The following VPS13A variants were observed in gnomAD, a reference collection of about 807,000 sequenced individuals.
VPS13A encodes vacuolar protein sorting 13 homolog A, also known as intermembrane lipid transfer protein VPS13A.
Under a neutral mutation model 390.9 loss-of-function variants are expected in VPS13A, and 264 were observed. The ratio of observed to expected loss-of-function variants is 0.68; its 90% CI spans 0.61 to 0.75. The LOEUF (loss-of-function observed/expected upper bound fraction) is 0.75, where lower values mean the gene tolerates loss of function less well. Among genes scored for constraint, VPS13A ranks in the 30% least tolerant of loss-of-function variants. VPS13A has a pLI of 0.00. For missense variants in VPS13A, 3,409 were observed against 3,733.9 expected (o/e 0.91, Z 2.27); for synonymous variants, 1,231 against 1,227.1 (o/e 1.00, Z -0.07).
At chr9:77,225,825 A>G in intron 13 of VPS13A, 101 bp from the exon 14 acceptor site, 3 of 874,828 alleles carry the variant, frequency 3.4e-6, no homozygotes, top group Non-Finnish European at 5.6e-6. Context: ...GCTTCCTATT[A>G]TATCTTTTCT....
chr9:77,363,248 T>C (rs1366770342), intron 59 of VPS13A, among the ~76,000 whole-genome samples: 2 of 152,182 alleles, frequency 1.3e-5, no homozygotes, highest in East Asian at 3.9e-4. Context: ...CTAGACATCC[T>C]TTTTCAGGTT....
At chr9:77,234,749 A>C (rs1297126305) in intron 17 of VPS13A, among the ~76,000 whole-genome samples, 2 of 151,992 alleles carry the variant, frequency 1.3e-5, no homozygotes, top group Non-Finnish European at 2.9e-5. Context: ...GTTCCTCAGT[A>C]CTGTCTTCTT....
intron 59 of VPS13A, among the ~76,000 whole-genome samples, chr9:77,361,932 TC>T (rs1297898229): frequency 6.6e-6 from 1 of 152,142 alleles, no homozygotes; most frequent in Non-Finnish European, 1.5e-5. Flanking sequence ...ATGTTGATTA[TC>T]CTTTAATATG....
chr9:77,313,238 A>G (rs150094442), intron 35 of VPS13A, among the ~76,000 whole-genome samples: 1 of 152,314 alleles, frequency 6.6e-6, no homozygotes, highest in East Asian at 1.9e-4. Context: ...TGATGATTGA[A>G]ATTAGAATGG....
chr9:77,268,104 G>C (rs1378306338), intron 23 of VPS13A, among the ~76,000 whole-genome samples: 1 of 152,264 alleles, frequency 6.6e-6, no homozygotes, highest in African/African-American at 2.4e-5. Flanking sequence ...GGCTCCATGG[G>C]AGTGGGATCC....
intron 33 of VPS13A, among the ~76,000 whole-genome samples, chr9:77,301,058 G>T (rs1828318070): frequency 6.6e-6 from 1 of 152,204 alleles, no homozygotes; most frequent in Non-Finnish European, 1.5e-5. Context: ...CGTAGGAAAG[G>T]TGTATTTTAT....
rs756646733 is a variant in VPS13A, at chr9:77,332,097, C to G, written c.6079C>G (p.Pro2027Ala). 11 of 1,609,428 alleles carry G rather than the reference C, an allele frequency of 6.8e-6. No homozygotes were observed. The highest frequency in any genetic ancestry group is 5.4e-5 in the African/African-American group (4 of 74,758). Residue 2027 changes from proline to alanine, a missense_variant, in exon 46 of 72, where the codon CCA (proline) becomes GCA (alanine). Pro to Ala is a conservative substitution (Grantham distance 27). Transcript: ENST00000360280. ...CTCACCTGAAAATGAATTCAACATACCATTAGGATCTTACCGGTATTTTGT... is the reference window on the plus strand; with the variant it reads ...CTCACCTGAAAATGAATTCAACATAGCATTAGGATCTTACCGGTATTTTGT... ...TASPENEFNI[P>A]LGSYRSFIFL...
chr9:77,219,640 C>T lies in VPS13A; in HGVS notation c.755-314C>T, dbSNP rs72742583. ...TTCATTCATTCTGTAAAACTGTGTA[C>T]TTGTATTAAAACTATTTTTTTGATT... is the stretch of plus-strand genomic sequence containing the variant. On this transcript the variant is annotated intron_variant, in intron 10 of 71. Transcript: ENST00000360280. Among the ~76,000 whole-genome samples the T allele has an allele frequency of 0.055, 8,320 of 152,028 alleles. 338 individuals are homozygous for T. The highest frequency in any genetic ancestry group is 0.12 in the South Asian group (586 of 4,822).
intron 45 of VPS13A, 66 bp from the exon 46 acceptor site, chr9:77,331,944 T>C: frequency 9.4e-7 from 1 of 1,061,258 alleles, no homozygotes; most frequent in South Asian, 1.3e-5. Context: ...CATGGACATA[T>C]TTTTTTTACA....
intron 23 of VPS13A, among the ~76,000 whole-genome samples, chr9:77,269,014 C>T (rs1826204202): frequency 6.6e-6 from 1 of 150,704 alleles, no homozygotes; most frequent in African/African-American, 2.4e-5. Flanking sequence ...TATTCTTTTC[C>T]TAGTCTGTTG....
intron 32 of VPS13A, among the ~76,000 whole-genome samples, chr9:77,294,161 T>A (rs1473070794): frequency 6.6e-6 from 1 of 152,130 alleles, no homozygotes; most frequent in Non-Finnish European, 1.5e-5. Flanking sequence ...CCTCAAGTGA[T>A]CCTCCTGCTT....
In VPS13A at chr9:77,220,502, A is replaced by C. The variant is rs1823147293; in HGVS notation, c.989+119A>C. On this transcript the variant is annotated intron_variant, in intron 12 of 71. Transcript: ENST00000360280. ...TTTTTAAGGTCTGATACAAACCATA[A>C]TTGATTTATAGCTAGAAATATATGT... 4.2e-6 allele frequency: 3 copies of C among 709,200 alleles called. No individual in the cohort carries two copies. In the Admixed American group the frequency reaches 8.2e-5, roughly 19 times the overall value. 43.9% of individuals were successfully genotyped at this position (709,200 alleles called of 1,614,324 possible). A position where few individuals can be genotyped will look rare whatever the true frequency, so the allele number is the denominator to read the frequency against.
At chr9:77,340,672 T>C (rs1468716682) in intron 50 of VPS13A, 122 bp downstream of exon 50, 16 of 1,222,922 alleles carry the variant, frequency 1.3e-5, no homozygotes, top group Non-Finnish European at 1.9e-5. Context: ...TTTAGTTTCA[T>C]GAATCTTTAT....
chr9:77,265,734 A>G (rs1338698465), intron 23 of VPS13A, among the ~76,000 whole-genome samples: 1 of 152,096 alleles, frequency 6.6e-6, no homozygotes, highest in Non-Finnish European at 1.5e-5. Context: ...TAATCTTTTC[A>G]AAAAACCAGC....
intron 71 of VPS13A, among the ~76,000 whole-genome samples, chr9:77,408,293 A>AAACTT (rs1291232639): frequency 6.6e-6 from 1 of 151,038 alleles, no homozygotes; most frequent in African/African-American, 2.5e-5. Context: ...TTATATCATG[A>AAACTT]AACTTACAGT....
chr9:77,296,925 A>C (rs536613999), intron 33 of VPS13A, among the ~76,000 whole-genome samples: 1 of 152,222 alleles, frequency 6.6e-6, no homozygotes, highest in South Asian at 2.1e-4. Flanking sequence ...AAGTTGTAAA[A>C]TTTAATGGCA....
intron 19 of VPS13A, among the ~76,000 whole-genome samples, chr9:77,243,227 A>G (rs1288911378): frequency 6.6e-6 from 1 of 152,148 alleles, no homozygotes; most frequent in African/African-American, 2.4e-5. Context: ...GGGATCAGAA[A>G]TGTTTCAGAT....
At position 77,419,277 on chromosome 9, in the gene VPS13A, A is replaced by G. The variant is rs867081289; in HGVS notation, c.*3271A>G. On this transcript the variant is annotated 3_prime_UTR_variant, in exon 72 of 72. Transcript: ENST00000360280. ...AAGACCAGTATATTTTAAACGTGAA[A>G]TAATAAAAAATAGAGGAACAATAGA... 1 of 152,222 alleles carries G rather than the reference A, an allele frequency of 6.6e-6. No homozygotes were observed. Among genetic ancestry groups the G allele is most frequent in the South Asian group, 2.1e-4 (1 of 4,834 alleles). The allele number at this position is 152,222 out of a possible 1,614,324, so 9.4% of individuals were successfully genotyped here. A position where few individuals can be genotyped will look rare whatever the true frequency, so the allele number is the denominator to read the frequency against.
Position 77,331,729 on chromosome 9 carries a change from T to G in VPS13A, c.5992-281T>G, listed in dbSNP as rs1830285291. Reference sequence around the variant, plus strand: ...TTTTATCTAAACAAAAACTTATCTTTAAACAAATTAGTCCCTATCCTAAAA... The same window carrying G: ...TTTTATCTAAACAAAAACTTATCTTGAAACAAATTAGTCCCTATCCTAAAA... On this transcript the variant is annotated intron_variant, in intron 45 of 71. Transcript: ENST00000360280. 2.0e-5 allele frequency among the ~76,000 whole-genome samples: 3 copies of G among 152,012 alleles called. No individual in the cohort carries two copies. In the South Asian group the frequency reaches 6.2e-4, roughly 31 times the overall value.
Sources: allele counts gnomAD v4.1 joint callset (sites outside exome capture counted in the v4.1 genomes callset), GRCh38; gene constraint gnomAD v4.1.1; transcripts MANE v1.5; gene names NCBI Gene and HGNC (gene_info 2026-07-23, HGNC 2026-07-21).